The following AR variants were observed in gnomAD, a reference collection of about 807,000 sequenced individuals.
The protein encoded by AR is dihydrotestosterone receptor.
A neutral mutation model predicts 53.9 loss-of-function variants in AR; 8 were observed. That is an observed-to-expected ratio of 0.15 (90% CI 0.09 to 0.27). The LOEUF (loss-of-function observed/expected upper bound fraction) is 0.27, where lower values mean the gene tolerates loss of function less well. Among genes scored for constraint, AR ranks in the 10% least tolerant of loss-of-function variants. The probability of loss-of-function intolerance (pLI) is 1.00; values close to 1 mark genes in which losing one functional copy is unlikely to be tolerated. For synonymous variants in AR, 359 were observed against 316.4 expected, an observed-to-expected ratio of 1.13 and a Z score of -1.43; for missense variants, 639 against 742.5, an observed-to-expected ratio of 0.86 and a Z score of 1.62.
intron 3 of AR, among the ~76,000 whole-genome samples, chrX:67,705,077 C>A (rs1471971906): frequency 1.8e-5 from 2 of 111,321 alleles, no homozygotes; most frequent in African/African-American, 3.3e-5. Context: ...AGTCAGGTAG[C>A]GTGATACCTC....
At position 67,585,087 on chromosome X, in the gene AR, G is replaced by A. The variant is rs758246993; in HGVS notation, c.1616+38325G>A. ...CCTGACCAACATGGTGAAACCCCAT[G>A]TCTACTAAAAATACAAAAATTAGTT... On this transcript the variant is annotated intron_variant, in intron 1 of 7. Coordinates refer to ENST00000374690, the MANE Select transcript of AR (RefSeq NM_000044.6). 4.5e-5 allele frequency among the ~76,000 whole-genome samples: 5 copies of A among 110,358 alleles called. No homozygotes were observed. The East Asian group carries it at 1.4e-3, about 32-fold the overall frequency.
intron 1 of AR, among the ~76,000 whole-genome samples, chrX:67,630,892 C>G (rs769470547): frequency 2.1e-4 from 23 of 110,351 alleles, no homozygotes; most frequent in Non-Finnish European, 4.2e-4. Context: ...TTCTCCTTCA[C>G]TTATGAAGCT....
chrX:67,560,502 T>C (rs1383484187), intron 1 of AR, among the ~76,000 whole-genome samples: 1 of 112,059 alleles, frequency 8.9e-6, no homozygotes, highest in Non-Finnish European at 1.9e-5. Flanking sequence ...ATTTTTTCCC[T>C]ATTCTTCGTG....
At chrX:67,609,827 C>T (rs897451660) in intron 1 of AR, among the ~76,000 whole-genome samples, 1 of 111,690 alleles carries the variant, frequency 9.0e-6, no homozygotes. Context: ...GGCATCAAAG[C>T]ATTTGAAGAT....
intron 2 of AR, among the ~76,000 whole-genome samples, chrX:67,664,582 C>T (rs1347113460): frequency 1.8e-5 from 2 of 112,289 alleles, no homozygotes; most frequent in Non-Finnish European, 3.8e-5. Context: ...CTTGAGGAGG[C>T]AGTCTGTCCG....
At chrX:67,717,691 G>A (rs2147531443) in intron 5 of AR, 69 bp downstream of exon 5, 1 of 1,169,254 alleles carries the variant, frequency 8.6e-7, no homozygotes, top group Non-Finnish European at 1.2e-6. Context: ...GGTGGTGATG[G>A]TGATGGGGTG....
intron 3 of AR, among the ~76,000 whole-genome samples, chrX:67,691,600 A>G (rs1005380288): frequency 8.9e-6 from 1 of 111,750 alleles, no homozygotes; most frequent in Non-Finnish European, 1.9e-5. Flanking sequence ...TGTTCTCTGG[A>G]ATACACTTTC....
chrX:67,715,067 T>C (rs2076107812), intron 4 of AR, among the ~76,000 whole-genome samples: 1 of 111,598 alleles, frequency 9.0e-6, no homozygotes, highest in Non-Finnish European at 1.9e-5. Flanking sequence ...ATTTGCTTGA[T>C]ACCTGTACAA....
chrX:67,631,192 G>C (rs1177206912), intron 1 of AR, among the ~76,000 whole-genome samples: 1 of 111,352 alleles, frequency 9.0e-6, no homozygotes, highest in African/African-American at 3.3e-5. Flanking sequence ...GGCCTGCCTT[G>C]CTAGACTGGG....
At chrX:67,626,859 C>G (rs1318979273) in intron 1 of AR, among the ~76,000 whole-genome samples, 1 of 96,181 alleles carries the variant, frequency 1.0e-5, no homozygotes, top group Admixed American at 1.2e-4. Flanking sequence ...CAATTCCCAC[C>G]TATGAGTGAG....
chrX:67,667,500 G>A (rs757152440), intron 2 of AR, among the ~76,000 whole-genome samples: 3 of 111,412 alleles, frequency 2.7e-5, no homozygotes, highest in Non-Finnish European at 5.7e-5. Flanking sequence ...GATTCTTCCA[G>A]TTTTGCTCTG....
At chrX:67,667,744 AT>A (rs985308523) in intron 2 of AR, among the ~76,000 whole-genome samples, 4 of 109,336 alleles carry the variant, frequency 3.7e-5, no homozygotes, top group South Asian at 3.9e-4. Flanking sequence ...TCTTATATTA[AT>A]TTTTTTTTAG....
chrX:67,661,660 G>T (rs1312573228), intron 2 of AR, among the ~76,000 whole-genome samples: 1 of 111,146 alleles, frequency 9.0e-6, no homozygotes, highest in Non-Finnish European at 1.9e-5. Flanking sequence ...TCTCTTTTTT[G>T]TTGTGTCTCT....
chrX:67,716,705 A>G (rs2076114966), intron 4 of AR, among the ~76,000 whole-genome samples: 1 of 111,834 alleles, frequency 8.9e-6, no homozygotes, highest in African/African-American at 3.3e-5. Context: ...AACAGGTGGC[A>G]GTGGCTGTCA....
intron 2 of AR, among the ~76,000 whole-genome samples, chrX:67,681,863 C>T (rs2075936276): frequency 8.9e-6 from 1 of 112,143 alleles, no homozygotes; most frequent in Admixed American, 9.4e-5. Context: ...ACCTTATGGA[C>T]TGTGATTTGC....
At chrX:67,586,074 G>C (rs1046064629) in intron 1 of AR, among the ~76,000 whole-genome samples, 2 of 111,549 alleles carry the variant, frequency 1.8e-5, no homozygotes, top group Non-Finnish European at 3.8e-5. Flanking sequence ...GAAGGACAGA[G>C]AGAGCCTGAA....
At chrX:67,572,730 G>A (rs1187235168) in intron 1 of AR, among the ~76,000 whole-genome samples, 1 of 110,774 alleles carries the variant, frequency 9.0e-6, no homozygotes, top group Non-Finnish European at 1.9e-5. Context: ...TAGACTGCAG[G>A]GTAAGCCTTG....
intron 4 of AR, 95 bp from the exon 5 acceptor site, chrX:67,717,383 C>T (rs2147530192): frequency 8.9e-7 from 1 of 1,125,992 alleles, no homozygotes; most frequent in Non-Finnish European, 1.2e-6. Flanking sequence ...TAGGGGATGC[C>T]CGAATACCAG....
At chrX:67,687,176 A>T (rs1417425060) in intron 3 of AR, among the ~76,000 whole-genome samples, 1 of 111,663 alleles carries the variant, frequency 9.0e-6, no homozygotes, top group Non-Finnish European at 1.9e-5. Flanking sequence ...AGTCTAATTT[A>T]GACCAGTTGT....
Sources: gnomAD v4.1 joint callset for allele counts (sites outside exome capture counted in the v4.1 genomes callset) on GRCh38, gnomAD v4.1.1 for gene constraint, MANE v1.5 for transcripts, NCBI Gene and HGNC (gene_info 2026-07-23, HGNC 2026-07-21) for gene names.